The following LDB2 variants were observed in gnomAD, a reference collection of about 807,000 sequenced individuals.
LDB2 encodes LIM domain-binding protein 2.
LDB2 carries 12 observed loss-of-function variants against 44.3 expected under a neutral mutation model. That is an observed-to-expected ratio of 0.27 (90% CI 0.17 to 0.44). LDB2 has a LOEUF of 0.44. Among genes scored for constraint, LDB2 ranks in the 20% least tolerant of loss-of-function variants. LDB2 has a pLI of 1.00. For synonymous variants in LDB2, 164 were observed against 174.8 expected (o/e 0.94, Z 0.49); for missense variants, 344 against 473.5 (o/e 0.73, Z 2.54).
At position 16,740,298 on chromosome 4, in the gene LDB2, CTTCTT is replaced by C. The variant is rs1205781306; in HGVS notation, c.235+18855_235+18859del. ...TGGCACACACTCGGCTATTTAAACTCTTCTTTTGTCTTTTTGCATTCAGTTATATT... is the reference window on the plus strand; with the variant it reads ...TGGCACACACTCGGCTATTTAAACTCTTGTCTTTTTGCATTCAGTTATATT... On this transcript the variant is annotated intron_variant, in intron 2 of 7. Transcript: ENST00000304523. 5.3e-5 allele frequency among the ~76,000 whole-genome samples: 8 copies of C among 152,288 alleles called. No individual in the cohort carries two copies. In the East Asian group the frequency reaches 1.5e-3, roughly 29 times the overall value.
At chr4:16,596,826 A>C (rs1455781461) in intron 2 of LDB2, among the ~76,000 whole-genome samples, 2 of 152,194 alleles carry the variant, frequency 1.3e-5, no homozygotes. Flanking sequence ...ATCTGTAACA[A>C]GCCCTTTTTT....
chr4:16,741,052 T>C (rs907853199), intron 2 of LDB2, among the ~76,000 whole-genome samples: 8 of 152,140 alleles, frequency 5.3e-5, no homozygotes, highest in African/African-American at 1.4e-4. Context: ...AATTTGATAA[T>C]TGAGTGTAGT....
chr4:16,563,949 G>A lies in LDB2; in HGVS notation c.615+21973C>T, dbSNP rs180743996. On this transcript the variant is annotated intron_variant, in intron 5 of 7. Transcript: ENST00000304523. ...CCCTGACATCAAAGATTCTCAATGG[G>A]TAGTAAAATAGAATAAATACTCAAT... Among the ~76,000 whole-genome samples, 11 of 152,198 alleles carry A rather than the reference G, an allele frequency of 7.2e-5. No individual in the cohort carries two copies. The East Asian group carries it at 2.1e-3, about 29-fold the overall frequency.
At chr4:16,842,717 A>G (rs1468331467) in intron 1 of LDB2, among the ~76,000 whole-genome samples, 1 of 152,160 alleles carries the variant, frequency 6.6e-6, no homozygotes, top group Non-Finnish European at 1.5e-5. Context: ...AGCTCTGGAG[A>G]CCAGCGTTTG....
At chr4:16,808,557 A>G (rs1427131393) in intron 1 of LDB2, among the ~76,000 whole-genome samples, 2 of 152,216 alleles carry the variant, frequency 1.3e-5, no homozygotes, top group Admixed American at 1.3e-4. Flanking sequence ...AAACTGCTTA[A>G]CTGCTGCTGC....
At chr4:16,606,330 T>C (rs1225726024) in intron 2 of LDB2, among the ~76,000 whole-genome samples, 1 of 152,204 alleles carries the variant, frequency 6.6e-6, no homozygotes, top group East Asian at 1.9e-4. Context: ...ACATCAGAGA[T>C]TGTTTTACAT....
At chr4:16,876,334 C>T (rs1718393327) in intron 1 of LDB2, among the ~76,000 whole-genome samples, 1 of 152,176 alleles carries the variant, frequency 6.6e-6, no homozygotes, top group Non-Finnish European at 1.5e-5. Context: ...CTAACGCTGC[C>T]TCTAATTTTC....
At chr4:16,831,368 G>A (rs1201039115) in intron 1 of LDB2, among the ~76,000 whole-genome samples, 1 of 151,996 alleles carries the variant, frequency 6.6e-6, no homozygotes, top group Non-Finnish European at 1.5e-5. Flanking sequence ...GTTTTCTTTT[G>A]AGTAATATGA....
rs181109419 is a variant in LDB2 at position 16,760,193 on chromosome 4, G to C, written c.133-933C>G. Among the ~76,000 whole-genome samples the C allele has an allele frequency of 2.2e-4, 33 of 152,250 alleles. No homozygotes were observed. In the East Asian group the frequency reaches 6.2e-3, roughly 28 times the overall value. ...GAAGTTGAAGACAAGATGCATCCCAGCTGCCTGTCAGATGGAAGGGGAGAT... is the reference window on the plus strand; with the variant it reads ...GAAGTTGAAGACAAGATGCATCCCACCTGCCTGTCAGATGGAAGGGGAGAT... On this transcript the variant is annotated intron_variant, in intron 1 of 7. Transcript: ENST00000304523.
intron 2 of LDB2, among the ~76,000 whole-genome samples, chr4:16,607,072 G>C (rs1724153629): frequency 6.6e-6 from 1 of 152,192 alleles, no homozygotes; most frequent in African/African-American, 2.4e-5. Flanking sequence ...TATTATACAA[G>C]ACATTCCTTC....
rs1169491759 is a variant in LDB2 at position 16,563,429 on chromosome 4, A to AT, written c.615+22492dup. ...TCAAAACCATCTCATCAGTCATCAG[A>AT]TTTTTTTTTTTTTTTTTTTTTTTTT... is the stretch of plus-strand genomic sequence containing the variant. On this transcript the variant is annotated intron_variant, in intron 5 of 7. Transcript: ENST00000304523. 2.6e-3 allele frequency among the ~76,000 whole-genome samples: 119 copies of AT among 46,574 alleles called. 42 individuals are homozygous for AT. The highest frequency in any genetic ancestry group is 3.1e-3 in the African/African-American group (36 of 11,520). 30.6% of individuals were successfully genotyped at this position (46,574 alleles called of 152,430 possible).
intron 1 of LDB2, among the ~76,000 whole-genome samples, chr4:16,873,819 C>G (rs1185419784): frequency 2.0e-5 from 3 of 152,092 alleles, no homozygotes; most frequent in African/African-American, 7.2e-5. Context: ...TCACCACAAC[C>G]AGTTTCAGTG....
chr4:16,641,566 G>T (rs1056707855), intron 2 of LDB2, among the ~76,000 whole-genome samples: 1 of 152,094 alleles, frequency 6.6e-6, no homozygotes, highest in South Asian at 2.1e-4. Context: ...GAGAAGGGGT[G>T]CAGGAGAGAG....
At chr4:16,785,633 G>C (rs1774260993) in intron 1 of LDB2, among the ~76,000 whole-genome samples, 1 of 152,160 alleles carries the variant, frequency 6.6e-6, no homozygotes, top group African/African-American at 2.4e-5. Context: ...ATGAGAAGTG[G>C]TTCCTGAGAA....
At chr4:16,787,422 G>A (rs1225170055) in intron 1 of LDB2, among the ~76,000 whole-genome samples, 1 of 152,148 alleles carries the variant, frequency 6.6e-6, no homozygotes, top group African/African-American at 2.4e-5. Context: ...AGACCAGCCT[G>A]GTCAACATGG....
At chr4:16,675,343 A>G (rs1746007730) in intron 2 of LDB2, among the ~76,000 whole-genome samples, 1 of 152,192 alleles carries the variant, frequency 6.6e-6, no homozygotes, top group South Asian at 2.1e-4. Flanking sequence ...TTATGGCATG[A>G]TATGTCCTCA....
intron 2 of LDB2, among the ~76,000 whole-genome samples, chr4:16,633,563 A>G (rs1460784769): frequency 6.6e-6 from 1 of 152,210 alleles, no homozygotes; most frequent in African/African-American, 2.4e-5. Flanking sequence ...AAGTGATGTG[A>G]AGGACCTCTT....
chr4:16,569,660 C>CTCCATCCA (rs1175768781), intron 5 of LDB2, among the ~76,000 whole-genome samples: 8 of 152,250 alleles, frequency 5.3e-5, no homozygotes, highest in Admixed American at 4.6e-4. Context: ...GCCTCCATCC[C>CTCCATCCA]TCCATCCATC....
intron 1 of LDB2, among the ~76,000 whole-genome samples, chr4:16,822,233 T>C (rs1782235588): frequency 6.6e-6 from 1 of 152,208 alleles, no homozygotes; most frequent in Non-Finnish European, 1.5e-5. Flanking sequence ...GTAGATATTC[T>C]TTTATCTGAT....
Sources: gnomAD v4.1 joint callset for allele counts (sites outside exome capture counted in the v4.1 genomes callset) on GRCh38, gnomAD v4.1.1 for gene constraint, MANE v1.5 for transcripts, NCBI Gene and HGNC (gene_info 2026-07-23, HGNC 2026-07-21) for gene names.